Variants in PTPRD observed in about 807,000 individuals in gnomAD.
The protein encoded by PTPRD is receptor-type tyrosine-protein phosphatase delta.
PTPRD carries 34 observed loss-of-function variants against 214.5 expected under a neutral mutation model. The observed-to-expected ratio is 0.16, with a 90% confidence interval of 0.12 to 0.21. The LOEUF (loss-of-function observed/expected upper bound fraction) is 0.21. Ranked by LOEUF, PTPRD falls within the 10% of genes least tolerant of loss-of-function variation. PTPRD has a pLI of 1.00. For synonymous variants in PTPRD, 1,128 were observed against 845.7 expected, an observed-to-expected ratio of 1.33 and a Z score of -5.79; for missense variants, 2,545 against 2,398.7, an observed-to-expected ratio of 1.06 and a Z score of -1.27.
intron 11 of PTPRD, among the ~76,000 whole-genome samples, chr9:8,846,820 C>A (rs933973247): frequency 3.9e-5 from 6 of 152,096 alleles, no homozygotes; most frequent in Non-Finnish European, 8.8e-5. Context: ...GGCCAGGTGC[C>A]TTTTGGTAAG....
chr9:9,607,862 T>C (rs2094271939), intron 7 of PTPRD, among the ~76,000 whole-genome samples: 1 of 151,612 alleles, frequency 6.6e-6, no homozygotes, highest in South Asian at 2.1e-4. Flanking sequence ...GTCAGGTGGG[T>C]AGTGACTGAC....
chr9:8,971,613 G>A (rs1361603746), intron 11 of PTPRD, among the ~76,000 whole-genome samples: 2 of 151,584 alleles, frequency 1.3e-5, no homozygotes, highest in African/African-American at 4.8e-5. Flanking sequence ...GATTCTAGTG[G>A]CAAACTATTG....
chr9:9,267,198 C>G (rs556395588), intron 9 of PTPRD, among the ~76,000 whole-genome samples: 102 of 151,154 alleles, frequency 6.7e-4, no homozygotes, highest in South Asian at 3.7e-3. Flanking sequence ...AGAGCAAAAA[C>G]TCAAATAAAA....
At chr9:9,748,563 G>T (rs1479956493) in intron 6 of PTPRD, among the ~76,000 whole-genome samples, 1 of 152,186 alleles carries the variant, frequency 6.6e-6, no homozygotes, top group Non-Finnish European at 1.5e-5. Context: ...AAGCAGGATG[G>T]TGTTTACCTC....
In PTPRD at chr9:8,497,250, T is replaced by A; in HGVS notation, c.2341A>T (p.Thr781Ser). Residue 781 changes from threonine (T) to serine (S), a missense_variant, in exon 26 of 46, where the codon ACT (threonine) becomes TCT (serine). Coordinates refer to ENST00000381196, the MANE Select transcript of PTPRD (RefSeq NM_002839.4). ...ADAQWEFDDT[T>S]EHDMIISGLQ... ...AGTCAAAAATTACTCACATGTTCAG[T>A]AGTATCATCAAATTCCCACTGATTG... The A allele has an allele frequency of 6.3e-7, 1 of 1,594,276 alleles. No individual in the cohort carries two copies. Among genetic ancestry groups the A allele is most frequent in the Non-Finnish European group, 8.5e-7 (1 of 1,172,932 alleles).
At chr9:9,431,841 G>A (rs527415232) in intron 8 of PTPRD, among the ~76,000 whole-genome samples, 22 of 141,668 alleles carry the variant, frequency 1.6e-4, no homozygotes, top group Middle Eastern at 3.4e-3. Context: ...CTCATAGGTG[G>A]GAACTGAAAA....
At position 10,477,627 on chromosome 9, in the gene PTPRD, C is replaced by A. The variant is rs539518802; in HGVS notation, c.-600+134771G>T. 1.1e-4 allele frequency among the ~76,000 whole-genome samples: 16 copies of A among 152,244 alleles called. 2 individuals carry two copies. The highest frequency in any genetic ancestry group is 3.6e-4 in the African/African-American group (15 of 41,550). On this transcript the variant is annotated intron_variant, in intron 2 of 45. Transcript: ENST00000381196. ...ACCATTTGACCCAGCAATCCCATTACTGGGTATATACCCAAAGGATTATAA... is the reference window on the plus strand; with the variant it reads ...ACCATTTGACCCAGCAATCCCATTAATGGGTATATACCCAAAGGATTATAA...
chr9:9,774,013 T>C (rs2098775699), intron 5 of PTPRD, among the ~76,000 whole-genome samples: 1 of 152,188 alleles, frequency 6.6e-6, no homozygotes, highest in Non-Finnish European at 1.5e-5. Context: ...TCTACAAACA[T>C]GAAAAATAGG....
At chr9:10,343,457 T>C (rs1044105562) in intron 2 of PTPRD, among the ~76,000 whole-genome samples, 40 of 152,136 alleles carry the variant, frequency 2.6e-4, no homozygotes, top group African/African-American at 9.2e-4. Flanking sequence ...TGTGTCTTTA[T>C]AGTAGCATGA....
chr9:8,460,700 A>C, intron 32 of PTPRD, 129 bp from the exon 33 acceptor site: 1 of 838,566 alleles, frequency 1.2e-6, no homozygotes, highest in Admixed American at 3.2e-5. Flanking sequence ...CAATATTAGC[A>C]AAACAGAGGG....
intron 14 of PTPRD, among the ~76,000 whole-genome samples, chr9:8,557,431 AATACATATAT>A (rs1224351106): frequency 5.4e-5 from 6 of 111,730 alleles, no homozygotes; most frequent in African/African-American, 4.6e-4. Context: ...TTCATTTGTA[AATACATATAT>A]ATATATATAT....
intron 11 of PTPRD, among the ~76,000 whole-genome samples, chr9:8,948,183 C>G (rs2099077708): frequency 6.6e-6 from 1 of 150,438 alleles, no homozygotes; most frequent in South Asian, 2.1e-4. Context: ...CCACACCCAG[C>G]TAATGTTTGT....
intron 11 of PTPRD, among the ~76,000 whole-genome samples, chr9:8,845,245 T>C (rs2097666665): frequency 1.3e-5 from 2 of 152,238 alleles, no homozygotes; most frequent in Middle Eastern, 3.4e-3. Flanking sequence ...ACACCACTTA[T>C]ACTTTTGAAA....
chr9:10,305,907 C>T (rs1243320725), intron 3 of PTPRD, among the ~76,000 whole-genome samples: 1 of 152,070 alleles, frequency 6.6e-6, no homozygotes, highest in Non-Finnish European at 1.5e-5. Context: ...TTTGACCCAG[C>T]AATCCCACTA....
intron 3 of PTPRD, among the ~76,000 whole-genome samples, chr9:10,210,841 A>G (rs551304408): frequency 1.5e-5 from 2 of 134,852 alleles, no homozygotes; most frequent in Non-Finnish European, 3.2e-5. Context: ...GTATGTATGT[A>G]TAATCAAACC....
chr9:9,243,585 C>T (rs1343561505), intron 9 of PTPRD, among the ~76,000 whole-genome samples: 1 of 152,036 alleles, frequency 6.6e-6, no homozygotes, highest in African/African-American at 2.4e-5. Flanking sequence ...CGATAAAATT[C>T]AACAATCTTC....
chr9:9,596,231 T>A (rs1209129861), intron 7 of PTPRD, among the ~76,000 whole-genome samples: 1 of 151,986 alleles, frequency 6.6e-6, no homozygotes, highest in Non-Finnish European at 1.5e-5. Context: ...ATTAAAGACA[T>A]CTTTAATGAA....
intron 11 of PTPRD, among the ~76,000 whole-genome samples, chr9:8,745,764 C>G (rs1341478180): frequency 6.6e-6 from 1 of 150,660 alleles, no homozygotes; most frequent in Non-Finnish European, 1.5e-5. Flanking sequence ...ATATTACCAT[C>G]AAGTTCTATT....
intron 3 of PTPRD, among the ~76,000 whole-genome samples, chr9:10,164,120 T>C (rs2154291533): frequency 6.6e-6 from 1 of 151,578 alleles, no homozygotes; most frequent in South Asian, 2.1e-4. Flanking sequence ...GATATCTGGA[T>C]ATCAGTGCAT....
Sources: gnomAD v4.1 joint callset for allele counts (sites outside exome capture counted in the v4.1 genomes callset) on GRCh38, gnomAD v4.1.1 for gene constraint, MANE v1.5 for transcripts, NCBI Gene and HGNC (gene_info 2026-07-23, HGNC 2026-07-21) for gene names.